FHOD3: variants seen among roughly 807,000 people sequenced by gnomAD.
FHOD3 encodes the protein formin homology 2 domain containing 3, also known as FH1/FH2 domain-containing protein 3.
In FHOD3, 90 loss-of-function variants were observed where a neutral mutation model predicts 173.0. The observed-to-expected ratio is 0.52, with a 90% CI of 0.44 to 0.62. The LOEUF is 0.62. Ranked by LOEUF, FHOD3 falls within the 20% of genes least tolerant of loss-of-function variation. The pLI is 0.00. For synonymous variants in FHOD3, 828 were observed against 823.0 expected (o/e 1.01, Z -0.10); for missense variants, 1,945 against 2,034.7 (o/e 0.96, Z 0.85).
At chr18:36,298,770 T>A (rs1312749445) in intron 1 of FHOD3, among the ~76,000 whole-genome samples, 5 of 152,010 alleles carry the variant, frequency 3.3e-5, no homozygotes, top group African/African-American at 4.8e-5. Context: ...TTTTTTTTTT[T>A]TTATTTGTTA....
At chr18:36,525,291 A>G (rs1038584225) in intron 5 of FHOD3, among the ~76,000 whole-genome samples, 1 of 152,226 alleles carries the variant, frequency 6.6e-6, no homozygotes, top group Admixed American at 6.5e-5. Context: ...CTAGAAGTCA[A>G]AGACTTCTGC....
rs576003751 is a variant in FHOD3, at chr18:36,538,941, A to G, written c.511+26398A>G. ...CCAAAGTGAAATGCTTGGTCTTGAT[A>G]TAGTACTGTAGCTAAGTAAGATATA... is the stretch of plus-strand genomic sequence containing the variant. On this transcript the variant is annotated intron_variant, in intron 5 of 28. Coordinates refer to ENST00000590592, the MANE Select transcript of FHOD3 (RefSeq NM_001281740.3). Among the ~76,000 whole-genome samples the G allele has an allele frequency of 2.0e-4, 30 of 152,372 alleles. No individual in the cohort carries two copies. The East Asian group carries it at 5.4e-3, about 27-fold the overall frequency.
chr18:36,638,686 AG>A (rs764115826), intron 10 of FHOD3, among the ~76,000 whole-genome samples: 1 of 152,190 alleles, frequency 6.6e-6, no homozygotes, highest in Non-Finnish European at 1.5e-5. Context: ...AGTTTCTGAA[AG>A]GAGGGCCTGA....
At chr18:36,435,547 A>G (rs2050769403) in intron 3 of FHOD3, among the ~76,000 whole-genome samples, 1 of 152,170 alleles carries the variant, frequency 6.6e-6, no homozygotes, top group South Asian at 2.1e-4. Flanking sequence ...ATGTAAGACT[A>G]CATCAAAAAT....
Position 36,755,138 on chromosome 18 carries a change from T to C in FHOD3, c.4252T>C (p.Phe1418Leu), listed in dbSNP as rs772691283. Residue 1418 changes from phenylalanine (F) to leucine (L), a missense_variant, in exon 25 of 29, where the codon TTT becomes CTT. Transcript: ENST00000590592. ...IINRFHSFLL[F>L]MGHPPYAIRE... ...TTGCAGATTCCACTCCTTTTTACTC[T>C]TTATGGGCCATCCACCTTATGCAAT... 4 of 1,609,104 alleles carry C rather than the reference T, an allele frequency of 2.5e-6. No homozygotes were observed. Among genetic ancestry groups the C allele is most frequent in the Non-Finnish European group, 2.5e-6 (3 of 1,177,904 alleles).
chr18:36,755,266 C>T lies in FHOD3; in HGVS notation c.4380C>T (p.Ala1460=), dbSNP rs2042578840. Residue 1460 remains alanine (A), a synonymous_variant, in exon 25 of 29, where the codon GCC becomes GCT. Transcript: ENST00000590592. ...TTTTGCAGCAGAAACAGAAACGGGCCAACCACAGAGAGAGAAATAAGACCA... is the reference window on the plus strand; with the variant it reads ...TTTTGCAGCAGAAACAGAAACGGGCTAACCACAGAGAGAGAAATAAGACCA... The part of the protein sequence containing the change: ...ERVLQQKQKR[A]NHRERNKTRG... 6.2e-7 allele frequency: 1 copy of T among 1,610,852 alleles called. No homozygotes were observed. Among genetic ancestry groups the T allele is most frequent in the East Asian group, 2.2e-5 (1 of 44,760 alleles).
intron 3 of FHOD3, among the ~76,000 whole-genome samples, chr18:36,480,616 C>T (rs546872405): frequency 3.3e-5 from 5 of 152,280 alleles, no homozygotes; most frequent in Admixed American, 6.5e-5. Flanking sequence ...GCTCTAGAAA[C>T]GTAGGAGAGT....
chr18:36,355,132 G>A (rs550928607), intron 1 of FHOD3, among the ~76,000 whole-genome samples: 2 of 152,306 alleles, frequency 1.3e-5, no homozygotes, highest in African/African-American at 4.8e-5. Context: ...CTGAATCAAA[G>A]GAAACAGCAT....
In FHOD3 at chr18:36,709,295, G is replaced by A. The variant is rs1053750729; in HGVS notation, c.2437G>A (p.Glu813Lys). Residue 813 changes from glutamate (E) to lysine (K), a missense_variant, in exon 18 of 29, where the codon GAG (glutamate) becomes AAG (lysine). Physicochemically the swap from Glu to Lys is moderately conservative, Grantham distance 56. This residue lies in a region of FHOD3 where 1,099 missense variants were observed against 1,051.2 expected (regional missense o/e 1.05). Coordinates refer to ENST00000590592, the MANE Select transcript of FHOD3 (RefSeq NM_001281740.3). ...EKERQNEGVN[E>K]RDNCSASSVS... ...AGAGAGGCAGAACGAGGGGGTGAAC[G>A]AGAGGGACAACTGCTCTGCCTCCAG... The A allele has an allele frequency of 4.3e-6, 7 of 1,614,138 alleles. No homozygotes were observed. The Admixed American group carries it at 5.0e-5, about 12-fold the overall frequency.
intron 3 of FHOD3, among the ~76,000 whole-genome samples, chr18:36,473,936 C>G (rs1040798705): frequency 4.6e-5 from 7 of 152,246 alleles, no homozygotes; most frequent in Admixed American, 3.9e-4. Flanking sequence ...TACTTGGAAC[C>G]TGTTTGGGGA....
chr18:36,651,170 G>T (rs978186197), intron 11 of FHOD3, among the ~76,000 whole-genome samples: 1 of 152,112 alleles, frequency 6.6e-6, no homozygotes, highest in African/African-American at 2.4e-5. Context: ...CCCTCAGCTC[G>T]CTACAGCATG....
chr18:36,665,256 A>T (rs771090438), intron 14 of FHOD3, among the ~76,000 whole-genome samples: 1 of 152,220 alleles, frequency 6.6e-6, no homozygotes, highest in African/African-American at 2.4e-5. Context: ...TGTAGGATAC[A>T]CAAGTCTTAC....
At chr18:36,627,260 G>C (rs1028715974) in intron 10 of FHOD3, among the ~76,000 whole-genome samples, 1 of 152,180 alleles carries the variant, frequency 6.6e-6, no homozygotes, top group African/African-American at 2.4e-5. Context: ...AAAAAGGCCT[G>C]TATATAAAGC....
chr18:36,746,889 T>C (rs910776993), intron 23 of FHOD3, 56 bp from the exon 24 acceptor site: 2 of 1,416,742 alleles, frequency 1.4e-6, no homozygotes, highest in African/African-American at 2.9e-5. Flanking sequence ...TGTCTCTCAG[T>C]TCAGGCTGGT....
chr18:36,594,286 T>C (rs929926814), intron 6 of FHOD3, among the ~76,000 whole-genome samples: 2 of 152,100 alleles, frequency 1.3e-5, no homozygotes, highest in African/African-American at 4.8e-5. Context: ...CGGCCTTCTC[T>C]GCTTGGCTTT....
intron 26 of FHOD3, among the ~76,000 whole-genome samples, chr18:36,759,424 C>T (rs985941814): frequency 2.0e-5 from 3 of 152,182 alleles, no homozygotes; most frequent in South Asian, 2.1e-4. Context: ...CAGGTCTCTC[C>T]CTGCTGCTGG....
At chr18:36,306,855 A>T (rs896887299) in intron 1 of FHOD3, among the ~76,000 whole-genome samples, 2 of 152,244 alleles carry the variant, frequency 1.3e-5, no homozygotes, top group African/African-American at 4.8e-5. Context: ...ATTTCCTTGC[A>T]GAAGTCCCTT....
Position 36,625,636 on chromosome 18 carries a change from G to A in FHOD3, c.1083G>A (p.Arg361=), listed in dbSNP as rs756539510. The A allele has an allele frequency of 3.1e-6, 5 of 1,608,022 alleles. No homozygotes were observed. The South Asian group carries it at 4.4e-5, about 14-fold the overall frequency. ...GGEHRGLDRR[R]SRRHSVQSIK... ...AGCACCGGGGCCTGGACCGCAGAAG[G>A]AGCCGCAGGCACTCGGTGCAGAGCA... The change falls in exon 10 of 29, where the codon AGG becomes AGA. Residue 361 remains arginine (R), a synonymous_variant. Coordinates refer to ENST00000590592, the MANE Select transcript of FHOD3 (RefSeq NM_001281740.3).
intron 19 of FHOD3, among the ~76,000 whole-genome samples, chr18:36,727,206 C>T (rs2041121208): frequency 6.6e-6 from 1 of 152,108 alleles, no homozygotes; most frequent in Admixed American, 6.5e-5. Context: ...GTGAAGTTCA[C>T]TATTGCTGAC....
Sources: gnomAD v4.1 joint callset for allele counts (sites outside exome capture counted in the v4.1 genomes callset) on GRCh38, gnomAD v4.1.1 for gene constraint, gnomAD v4.1.1 regional missense constraint, MANE v1.5 for transcripts, NCBI Gene and HGNC (gene_info 2026-07-23, HGNC 2026-07-21) for gene names.